GABPB2: variants seen among roughly 807,000 people sequenced by gnomAD.
GABPB2 encodes the protein GA binding protein transcription factor subunit beta 2, also known as GA-binding protein subunit beta-2.
In GABPB2, 23 loss-of-function variants were observed where a neutral mutation model predicts 39.1. That is an observed-to-expected ratio of 0.59 (90% CI 0.42 to 0.83). The LOEUF (loss-of-function observed/expected upper bound fraction) is 0.83, where lower values mean the gene tolerates loss of function less well. GABPB2 is among the 40% of genes least tolerant of loss of function. GABPB2 has a pLI of 0.00. For missense variants in GABPB2, 467 were observed against 541.1 expected, an observed-to-expected ratio of 0.86 and a Z score of 1.36; for synonymous variants, 184 against 199.3, an observed-to-expected ratio of 0.92 and a Z score of 0.65.
intron 7 of GABPB2, among the ~76,000 whole-genome samples, chr1:151,109,295 G>A (rs1270112204): frequency 1.6e-5 from 1 of 60,798 alleles, no homozygotes; most frequent in Non-Finnish European, 3.5e-5. Context: ...TGATTGTGGG[G>A]ATTTATATAT....
At position 151,117,383 on chromosome 1, in the gene GABPB2, G is replaced by T; in HGVS notation, c.923-9G>T. 6.2e-7 allele frequency: 1 copy of T among 1,612,932 alleles called. No individual in the cohort carries two copies. Among genetic ancestry groups the T allele is most frequent in the South Asian group, 1.1e-5 (1 of 90,874 alleles). On this transcript the variant is annotated splice_polypyrimidine_tract_variant and intron_variant, in intron 7 of 8. Coordinates refer to ENST00000368918, the MANE Select transcript of GABPB2 (RefSeq NM_144618.3). The stretch of plus-strand genomic sequence containing the variant: ...TCATCACCTCCAATTGGTGTCCTTT[G>T]ACTTGTAGTTCTAACTGTACCTGCT...
chr1:151,111,542 C>A (rs1306855384), intron 7 of GABPB2, among the ~76,000 whole-genome samples: 1 of 152,052 alleles, frequency 6.6e-6, no homozygotes, highest in Non-Finnish European at 1.5e-5. Context: ...CCTGCCTCAG[C>A]CTCCTGAGTA....
chr1:151,077,010 G>T (rs1180285312), intron 1 of GABPB2, among the ~76,000 whole-genome samples: 1 of 151,378 alleles, frequency 6.6e-6, no homozygotes, highest in Non-Finnish European at 1.5e-5. Context: ...AGCCAGGATG[G>T]TCTCAATCTC....
Position 151,118,089 on chromosome 1 carries a change from C to T in GABPB2, c.1180C>T (p.Arg394Ter), listed in dbSNP as rs200578549. 59 of 1,613,956 alleles carry T rather than the reference C, an allele frequency of 3.7e-5. No individual in the cohort carries two copies. The highest frequency in any genetic ancestry group is 1.8e-4 in the Admixed American group (11 of 59,972). The part of the protein sequence containing the change: ...QYRLKLEAIA[R>*]QQPNGVDFTM... The stretch of plus-strand genomic sequence containing the variant: ...CCGTCTTAAGCTGGAGGCCATAGCC[C>T]GACAGCAGCCCAATGGAGTTGATTT... Residue 394 changes from arginine to a stop codon, truncating the protein, a stop_gained, in exon 9 of 9, where the codon CGA becomes TGA. Coordinates refer to ENST00000368918, the MANE Select transcript of GABPB2 (RefSeq NM_144618.3). LOFTEE classifies it low-confidence loss of function (END_TRUNC).
intron 3 of GABPB2, among the ~76,000 whole-genome samples, chr1:151,091,465 CAAAAAAA>C (rs34351787): frequency 5.6e-4 from 41 of 73,456 alleles, no homozygotes; most frequent in African/African-American, 2.2e-3. Flanking sequence ...TCCTGTGTCT[CAAAAAAA>C]AAAAAAAAAA....
chr1:151,097,223 T>C (rs1200368462), intron 4 of GABPB2, among the ~76,000 whole-genome samples: 2 of 152,020 alleles, frequency 1.3e-5, no homozygotes, highest in Non-Finnish European at 2.9e-5. Flanking sequence ...GACTCCCTCA[T>C]TTTTCAAATG....
chr1:151,094,530 G>T (rs1678963250), intron 4 of GABPB2, among the ~76,000 whole-genome samples: 2 of 146,684 alleles, frequency 1.4e-5, no homozygotes, highest in African/African-American at 5.0e-5. Context: ...TTGTATTTTT[G>T]TAGAGACAGG....
intron 5 of GABPB2, among the ~76,000 whole-genome samples, chr1:151,099,084 CAAAAA>C (rs200277830): frequency 9.0e-6 from 1 of 110,644 alleles, no homozygotes; most frequent in Non-Finnish European, 1.9e-5. Flanking sequence ...AACTTCATCT[CAAAAA>C]AAAAAAAAAA....
intron 1 of GABPB2, among the ~76,000 whole-genome samples, chr1:151,074,463 A>T (rs768937568): frequency 3.5e-5 from 5 of 143,476 alleles, no homozygotes; most frequent in East Asian, 2.1e-4. Flanking sequence ...GGCCCCCGCC[A>T]CCATGCCCAG....
In GABPB2 at chr1:151,097,243, A is replaced by G. The variant is rs587703102; in HGVS notation, c.472-609A>G. Among the ~76,000 whole-genome samples, 186 of 152,216 alleles carry G rather than the reference A, an allele frequency of 1.2e-3. 1 individual carries two copies. The highest frequency in any genetic ancestry group is 4.3e-3 in the African/African-American group (177 of 41,558). ...CCTCATTTTTCAAATGAAAAAAACA[A>G]GATTCATAGAGGTTGATTGAATTGT... is the stretch of plus-strand genomic sequence containing the variant. On this transcript the variant is annotated intron_variant, in intron 4 of 8. Coordinates refer to ENST00000368918, the MANE Select transcript of GABPB2 (RefSeq NM_144618.3).
At chr1:151,072,691 CAAAAAA>C (rs1156661725) in intron 1 of GABPB2, among the ~76,000 whole-genome samples, 1 of 151,166 alleles carries the variant, frequency 6.6e-6, no homozygotes, top group African/African-American at 2.4e-5. Flanking sequence ...ACTAAAAATA[CAAAAAA>C]TTAGCCGGGC....
At position 151,119,660 on chromosome 1, in the gene GABPB2, C is replaced by A. The variant is rs1401924715; in HGVS notation, c.*1404C>A. On this transcript the variant is annotated 3_prime_UTR_variant, in exon 9 of 9. Coordinates refer to ENST00000368918, the MANE Select transcript of GABPB2 (RefSeq NM_144618.3). ...GGCTGAGGCAGGAGAATTGCTTGAA[C>A]CTGGGAGGTGGAGGTTGCAGTGAGC... 6.6e-6 allele frequency: 1 copy of A among 152,660 alleles called. No individual in the cohort carries two copies. Among genetic ancestry groups the A allele is most frequent in the Admixed American group, 6.5e-5 (1 of 15,284 alleles). 9.5% of individuals were successfully genotyped at this position (152,660 alleles called of 1,614,324 possible).
chr1:151,117,332 C>G, intron 7 of GABPB2, 60 bp from the exon 8 acceptor site: 2 of 1,559,614 alleles, frequency 1.3e-6, no homozygotes, highest in South Asian at 2.3e-5. Context: ...TAAAAGCAAG[C>G]AAAACCTCTT....
intron 3 of GABPB2, among the ~76,000 whole-genome samples, 163 bp downstream of exon 3, chr1:151,090,736 A>G (rs966718022): frequency 1.3e-5 from 2 of 152,012 alleles, no homozygotes; most frequent in Non-Finnish European, 2.9e-5. Context: ...CCGGGTGCCT[A>G]TAATCCCAGC....
intron 2 of GABPB2, among the ~76,000 whole-genome samples, chr1:151,089,515 G>T (rs1049586636): frequency 3.9e-5 from 6 of 152,100 alleles, no homozygotes; most frequent in African/African-American, 1.4e-4. Context: ...TTTTTATTGC[G>T]TCTTCATCTC....
In GABPB2 at chr1:151,088,306, A is replaced by G; in HGVS notation, c.108+9A>G. 2 of 1,598,490 alleles carry G rather than the reference A, an allele frequency of 1.3e-6. No homozygotes were observed. Among genetic ancestry groups the G allele is most frequent in the South Asian group, 2.2e-5 (2 of 90,264 alleles). ...CATTCACCACAGACTGGGTAAGCTTAGAGGAGAGGTCTCTTAATTATTTCC... is the reference window on the plus strand; with the variant it reads ...CATTCACCACAGACTGGGTAAGCTTGGAGGAGAGGTCTCTTAATTATTTCC... On this transcript the variant is annotated intron_variant, in intron 2 of 8. Coordinates refer to ENST00000368918, the MANE Select transcript of GABPB2 (RefSeq NM_144618.3).
chr1:151,105,484 CAT>C (rs765214804), intron 6 of GABPB2, among the ~76,000 whole-genome samples: 47 of 148,660 alleles, frequency 3.2e-4, no homozygotes, highest in South Asian at 2.3e-3. Flanking sequence ...TTAATATAAA[CAT>C]ATATGTATAT....
intron 1 of GABPB2, among the ~76,000 whole-genome samples, chr1:151,081,590 C>G (rs937142293): frequency 4.6e-5 from 7 of 152,110 alleles, no homozygotes; most frequent in East Asian, 1.9e-4. Context: ...TTTTTCAACT[C>G]TCTTTAACTT....
chr1:151,095,009 CAAA>C (rs11433915), intron 4 of GABPB2, among the ~76,000 whole-genome samples: 3 of 131,394 alleles, frequency 2.3e-5, no homozygotes, highest in Non-Finnish European at 4.8e-5. Flanking sequence ...GATTCCATCT[CAAA>C]AAAAAAAAAA....
Sources: allele counts gnomAD v4.1 joint callset (sites outside exome capture counted in the v4.1 genomes callset), GRCh38; gene constraint gnomAD v4.1.1; transcripts MANE v1.5; gene names NCBI Gene and HGNC (gene_info 2026-07-23, HGNC 2026-07-21).